ZFYVE1: variants seen among roughly 807,000 people sequenced by gnomAD.
The protein encoded by ZFYVE1 is zinc finger FYVE-type containing 1, also known as zinc finger FYVE domain-containing protein 1.
In ZFYVE1, 30 loss-of-function variants were observed where a neutral mutation model predicts 74.4. That is an observed-to-expected ratio of 0.40 (90% confidence interval 0.30 to 0.55). The LOEUF (loss-of-function observed/expected upper bound fraction) is 0.55. Among genes scored for constraint, ZFYVE1 ranks in the 20% least tolerant of loss-of-function variants. The pLI, the probability that ZFYVE1 is intolerant of heterozygous loss-of-function variation, is 0.42. For synonymous variants in ZFYVE1, 335 were observed against 385.1 expected (o/e 0.87, Z 1.52); for missense variants, 703 against 1,011.6 (o/e 0.69, Z 4.14).
intron 4 of ZFYVE1, among the ~76,000 whole-genome samples, chr14:72,992,075 T>G (rs1164397156): frequency 6.6e-6 from 1 of 151,924 alleles, no homozygotes; most frequent in Non-Finnish European, 1.5e-5. Context: ...CCCGGCTAAT[T>G]TTTTTGTATT....
At chr14:73,006,173 C>T (rs1012827626) in intron 2 of ZFYVE1, among the ~76,000 whole-genome samples, 1 of 151,950 alleles carries the variant, frequency 6.6e-6, no homozygotes, top group African/African-American at 2.4e-5. Context: ...CCCGCCTGGG[C>T]CTCCCAAAGT....
chr14:73,020,027 C>T (rs969714185), intron 2 of ZFYVE1, among the ~76,000 whole-genome samples: 2 of 151,986 alleles, frequency 1.3e-5, no homozygotes, highest in Middle Eastern at 3.4e-3. Context: ...GAGGCCAAGG[C>T]GGGCAGGTCA....
At position 73,026,911 on chromosome 14, in the gene ZFYVE1, G is replaced by A; in HGVS notation, c.-435+15C>T. 2.6e-6 allele frequency: 1 copy of A among 391,564 alleles called. No homozygotes were observed. The highest frequency in any genetic ancestry group is 4.5e-6 in the Non-Finnish European group (1 of 221,612). The allele number at this position is 391,564 out of a possible 1,614,324, so 24.3% of individuals were successfully genotyped here. A position where few individuals can be genotyped will look rare whatever the true frequency, so the allele number is the denominator to read the frequency against. ...TCCCCGCCCTGCCCTGCCCGCCGCG[G>A]CCCGGGGATCCCACCACTGAGAAGC... On this transcript the variant is annotated intron_variant, in intron 1 of 11. Transcript: ENST00000556143.
intron 2 of ZFYVE1, among the ~76,000 whole-genome samples, chr14:73,023,390 ATG>A (rs386381753): frequency 2.3e-5 from 3 of 131,108 alleles, no homozygotes; most frequent in Admixed American, 8.5e-5. Flanking sequence ...TATATATTTT[ATG>A]TGTTTTATAT....
chr14:72,990,951 C>T (rs565915985), intron 4 of ZFYVE1, among the ~76,000 whole-genome samples: 20 of 152,084 alleles, frequency 1.3e-4, no homozygotes, highest in African/African-American at 4.3e-4. Flanking sequence ...CTGCCCACCT[C>T]CGCCTCTCAA....
intron 8 of ZFYVE1, chr14:72,976,083 G>A (rs1437673403): frequency 5.2e-6 from 1 of 193,216 alleles, no homozygotes; most frequent in Non-Finnish European, 1.1e-5. Flanking sequence ...ATCCATTTAG[G>A]TATCTGACTT....
chr14:72,979,048 C>T, intron 5 of ZFYVE1, 79 bp from the exon 6 acceptor site: 1 of 1,291,414 alleles, frequency 7.7e-7, no homozygotes, highest in Non-Finnish European at 1.1e-6. Flanking sequence ...GACCCTGAGC[C>T]AGGCACAAGG....
intron 5 of ZFYVE1, 149 bp from the exon 6 acceptor site, chr14:72,979,118 G>A (rs958778631): frequency 5.9e-5 from 40 of 672,832 alleles, no homozygotes; most frequent in East Asian, 3.2e-4. Context: ...AAGGGTAGCC[G>A]GAAACCCACA....
chr14:72,991,425 G>A (rs918763855), intron 4 of ZFYVE1, among the ~76,000 whole-genome samples: 5 of 151,972 alleles, frequency 3.3e-5, no homozygotes, highest in African/African-American at 4.8e-5. Flanking sequence ...TCCTGACCTC[G>A]TGATCCGCCC....
intron 4 of ZFYVE1, among the ~76,000 whole-genome samples, chr14:72,990,034 T>C (rs1467779522): frequency 6.6e-6 from 1 of 152,190 alleles, no homozygotes; most frequent in African/African-American, 2.4e-5. Context: ...ATGAAAACTT[T>C]AGTTAGAGTC....
At chr14:72,981,967 C>T in intron 4 of ZFYVE1, 72 bp from the exon 5 acceptor site, 1 of 1,331,952 alleles carries the variant, frequency 7.5e-7, no homozygotes, top group South Asian at 1.2e-5. Flanking sequence ...CCACTGCAGG[C>T]ACCGTACAAG....
chr14:73,012,505 C>T (rs1043002814), intron 2 of ZFYVE1, among the ~76,000 whole-genome samples: 7 of 152,022 alleles, frequency 4.6e-5, no homozygotes, highest in African/African-American at 9.7e-5. Flanking sequence ...GCCTGTAGTC[C>T]CAGCTACTTG....
At chr14:72,971,992 CAGG>C (rs1272033533) in intron 11 of ZFYVE1, among the ~76,000 whole-genome samples, 2 of 152,142 alleles carry the variant, frequency 1.3e-5, no homozygotes, top group Non-Finnish European at 2.9e-5. Flanking sequence ...GAGGCAGAGG[CAGG>C]AGGACCACTC....
chr14:72,990,585 G>A lies in ZFYVE1; in HGVS notation c.1203+2558C>T, dbSNP rs188230324. Among the ~76,000 whole-genome samples the A allele has an allele frequency of 8.6e-5, 13 of 150,310 alleles. No individual in the cohort carries two copies. The East Asian group carries it at 2.5e-3, about 29-fold the overall frequency. ...CTAATTTCGTATTTTTAGTAGAGAC[G>A]TGGTTGCTCCATGTTGGTCAGGCTG... On this transcript the variant is annotated intron_variant, in intron 4 of 11. Coordinates refer to ENST00000556143, the MANE Select transcript of ZFYVE1 (RefSeq NM_021260.4).
chr14:72,993,077 G>T, intron 4 of ZFYVE1, 66 bp downstream of exon 4: 1 of 1,459,788 alleles, frequency 6.9e-7, no homozygotes, highest in South Asian at 1.4e-5. Flanking sequence ...AAAAGCTGGC[G>T]AACTGAGTGT....
chr14:72,973,586 A>T (rs150616314), intron 11 of ZFYVE1, among the ~76,000 whole-genome samples: 1 of 152,322 alleles, frequency 6.6e-6, no homozygotes, highest in East Asian at 1.9e-4. Flanking sequence ...ACATCATTTA[A>T]GAAGTGCCAA....
chr14:73,021,312 C>T (rs1894313305), intron 2 of ZFYVE1, among the ~76,000 whole-genome samples: 1 of 151,814 alleles, frequency 6.6e-6, no homozygotes, highest in Non-Finnish European at 1.5e-5. Context: ...TGTGCCACTG[C>T]ACTCCAGCCT....
intron 4 of ZFYVE1, among the ~76,000 whole-genome samples, chr14:72,990,779 C>T (rs1298634540): frequency 6.9e-6 from 1 of 143,956 alleles, no homozygotes; most frequent in Non-Finnish European, 1.5e-5. Context: ...CGGCCCACTG[C>T]AACCTCCACC....
rs529688040 is a variant in ZFYVE1, at chr14:73,024,752, C to T, written c.-244G>A. Reference sequence around the variant, plus strand: ...GATTTGGTTTGATGGTTTCATCCTCCATAAAGTGCAAGCAAAGATGTGGTC... The same window carrying T: ...GATTTGGTTTGATGGTTTCATCCTCTATAAAGTGCAAGCAAAGATGTGGTC... On this transcript the variant is annotated 5_prime_UTR_variant, in exon 2 of 12. It removes an upstream start codon present in the reference 5' UTR. Transcript: ENST00000556143. The T allele has an allele frequency of 4.6e-4, 224 of 488,222 alleles. 2 individuals carry two copies. In the South Asian group the frequency reaches 8.1e-3, roughly 18 times the overall value. The allele number at this position is 488,222 out of a possible 1,614,324, so 30.2% of individuals were successfully genotyped here.
Sources: allele counts gnomAD v4.1 joint callset (sites outside exome capture counted in the v4.1 genomes callset), GRCh38; gene constraint gnomAD v4.1.1; transcripts MANE v1.5; gene names NCBI Gene and HGNC (gene_info 2026-07-23, HGNC 2026-07-21).